Variants in PTPN18 observed in about 807,000 individuals in gnomAD.
PTPN18 encodes the protein tyrosine-protein phosphatase non-receptor type 18.
PTPN18 carries 65 observed loss-of-function variants against 65.4 expected under a neutral mutation model. That is an observed-to-expected ratio of 0.99 (90% CI 0.81 to 1.22). PTPN18 has a LOEUF of 1.22. Among genes scored for constraint, PTPN18 ranks in the 50% most tolerant of loss-of-function variants. The pLI, the probability that PTPN18 is intolerant of heterozygous loss-of-function variation, is 0.00. For missense variants in PTPN18, 616 were observed against 646.5 expected, an observed-to-expected ratio of 0.95 and a Z score of 0.51; for synonymous variants, 255 against 267.8, an observed-to-expected ratio of 0.95 and a Z score of 0.47.
At chr2:130,358,629 G>A (rs771347371) in intron 1 of PTPN18, among the ~76,000 whole-genome samples, 19 of 152,126 alleles carry the variant, frequency 1.2e-4, no homozygotes, top group African/African-American at 3.6e-4. Flanking sequence ...TAGTACCCAC[G>A]TCGTAGGAAC....
intron 5 of PTPN18, among the ~76,000 whole-genome samples, chr2:130,365,596 A>G (rs1680355237): frequency 1.3e-5 from 2 of 152,134 alleles, no homozygotes; most frequent in East Asian, 1.9e-4. Flanking sequence ...TTTAATTCCA[A>G]TCTATTGTGT....
chr2:130,367,050 ATTTT>A (rs57039741), intron 5 of PTPN18, among the ~76,000 whole-genome samples: 5 of 104,208 alleles, frequency 4.8e-5, no homozygotes, highest in African/African-American at 7.2e-5. Context: ...GCTAATTTTA[ATTTT>A]TTTTTTTTTT....
In PTPN18 at chr2:130,373,286, G is replaced by C. The variant is rs1281053641; in HGVS notation, c.*62G>C. ...CTCGGACTGCTGATGCCCCGGTGCT[G>C]CTGAGCGCCGTGCGCAGAATGGAAA... On this transcript the variant is annotated 3_prime_UTR_variant, in exon 15 of 15. Transcript: ENST00000175756. This position sits in a 1 kb window ranked among gnomAD's most constrained non-coding sequence, Gnocchi z 4.1. 2 of 1,427,012 alleles carry C rather than the reference G, an allele frequency of 1.4e-6. No individual in the cohort carries two copies. Among genetic ancestry groups the C allele is most frequent in the African/African-American group, 2.9e-5 (2 of 69,492 alleles). The allele number at this position is 1,427,012 out of a possible 1,614,324, so 88.4% of individuals were successfully genotyped here.
Position 130,374,335 on chromosome 2 carries a change from A to ATTTT in PTPN18, c.*1122_*1125dup. The ATTTT allele has an allele frequency of 4.8e-6, 1 of 210,132 alleles. No homozygotes were observed. The highest frequency in any genetic ancestry group is 9.8e-6 in the Non-Finnish European group (1 of 102,226). 13.0% of individuals were successfully genotyped at this position (210,132 alleles called of 1,614,324 possible). On this transcript the variant is annotated 3_prime_UTR_variant, in exon 15 of 15. Coordinates refer to ENST00000175756, the MANE Select transcript of PTPN18 (RefSeq NM_014369.4). The stretch of plus-strand genomic sequence containing the variant: ...CCGAGTAGCTGGGACTACAGGTCTA[A>ATTTT]TTTTTTTTTTTTTTAAGAAATGAGT...
At position 130,374,884 on chromosome 2, in the gene PTPN18, ACC is replaced by A; in HGVS notation, c.*1663_*1664del. 3.2e-6 allele frequency: 1 copy of A among 310,456 alleles called. No individual in the cohort carries two copies. Among genetic ancestry groups the A allele is most frequent in the South Asian group, 2.7e-5 (1 of 37,380 alleles). 19.2% of individuals were successfully genotyped at this position (310,456 alleles called of 1,614,324 possible). On this transcript the variant is annotated 3_prime_UTR_variant, in exon 15 of 15. Transcript: ENST00000175756. Reference sequence around the variant, plus strand: ...CAAGGAATGATGGGGATGTGTACATACCCCACCCCACCCCTTGGCAGGGTGAT... The same window carrying A: ...CAAGGAATGATGGGGATGTGTACATACCACCCCACCCCTTGGCAGGGTGAT...
chr2:130,369,074 T>A, intron 5 of PTPN18, 59 bp from the exon 6 acceptor site: 1 of 1,455,072 alleles, frequency 6.9e-7, no homozygotes, highest in Admixed American at 1.8e-5. Flanking sequence ...ATGATTGAGC[T>A]AGCTCTGAAG....
In PTPN18 at chr2:130,358,891, T is replaced by G. The variant is rs776321055; in HGVS notation, c.118T>G (p.Trp40Gly). ...FSDIQACSAA[W>G]KADGVCSTVA... ...GGACATCCAGGCCTGCTCGGCCGCC[T>G]GGAAGGCTGACGGCGTGTGCTCCAC... The change falls in exon 2 of 15, where the codon TGG becomes GGG. Residue 40 changes from tryptophan to glycine, a missense_variant. By Grantham distance (184) the Trp-to-Gly change is radical. Coordinates refer to ENST00000175756, the MANE Select transcript of PTPN18 (RefSeq NM_014369.4). 4.3e-6 allele frequency: 7 copies of G among 1,613,576 alleles called. No individual in the cohort carries two copies. In the Admixed American group the frequency reaches 1.2e-4, roughly 27 times the overall value.
intron 1 of PTPN18, among the ~76,000 whole-genome samples, chr2:130,357,158 TG>T (rs1680001241): frequency 6.6e-6 from 1 of 152,132 alleles, no homozygotes; most frequent in Admixed American, 6.5e-5. Flanking sequence ...ACTGCACAGC[TG>T]AGATGGTGCC....
rs1202965681 is a variant in PTPN18 at position 130,373,302 on chromosome 2, A to G, written c.*78A>G. ...CCCGGTGCTGCTGAGCGCCGTGCGC[A>G]GAATGGAAACAGTGGGCCTGGATCA... On this transcript the variant is annotated 3_prime_UTR_variant, in exon 15 of 15. Coordinates refer to ENST00000175756, the MANE Select transcript of PTPN18 (RefSeq NM_014369.4). The surrounding 1 kb of genome is among the most constrained non-coding windows in gnomAD (Gnocchi z 4.1). 1.5e-6 allele frequency: 2 copies of G among 1,362,790 alleles called. No homozygotes were observed. Among genetic ancestry groups the G allele is most frequent in the East Asian group, 2.5e-5 (1 of 39,776 alleles). 84.4% of individuals were successfully genotyped at this position (1,362,790 alleles called of 1,614,324 possible). A position where few individuals can be genotyped will look rare whatever the true frequency, so the allele number is the denominator to read the frequency against.
intron 5 of PTPN18, among the ~76,000 whole-genome samples, chr2:130,364,033 A>G (rs1680309944): frequency 6.6e-6 from 1 of 152,034 alleles, no homozygotes; most frequent in Non-Finnish European, 1.5e-5. Context: ...TAAAATATAC[A>G]TAACATAAAA....
In PTPN18 at chr2:130,370,697, T is replaced by C; in HGVS notation, c.757-8T>C. On this transcript the variant is annotated splice_polypyrimidine_tract_variant and splice_region_variant and intron_variant, in intron 9 of 14. Transcript: ENST00000175756. ...GTCCTGCTCAAGTGCCTTGTCTGTC[T>C]GCCCCAGATGATCCCACCTGACTTC... 1 of 1,614,166 alleles carries C rather than the reference T, an allele frequency of 6.2e-7. No individual in the cohort carries two copies. Among genetic ancestry groups the C allele is most frequent in the Non-Finnish European group, 8.5e-7 (1 of 1,179,986 alleles).
chr2:130,370,771 G>T lies in PTPN18; in HGVS notation c.823G>T (p.Val275Leu). ...GATGAGGAAGCAGCGGCCTGCGGCC[G>T]TGCAGACAGAGGTGAACCCTGGGTC... The part of the protein sequence containing the change: ...LKMRKQRPAA[V>L]QTEEQYRFLY... Residue 275 changes from valine (V) to leucine (L), a missense_variant, in exon 10 of 15, where the codon GTG (valine) becomes TTG (leucine). Physicochemically the swap from Val to Leu is conservative, Grantham distance 32. Transcript: ENST00000175756. 6.2e-7 allele frequency: 1 copy of T among 1,614,068 alleles called. No individual in the cohort carries two copies. Among genetic ancestry groups the T allele is most frequent in the Non-Finnish European group, 8.5e-7 (1 of 1,179,930 alleles).
chr2:130,372,680 G>A (rs1680614266), intron 13 of PTPN18, 193 bp from the exon 14 acceptor site: 2 of 967,576 alleles, frequency 2.1e-6, no homozygotes, highest in Non-Finnish European at 3.0e-6. Context: ...GCGGTCCAGG[G>A]GCAGGGTTCC....
intron 5 of PTPN18, chr2:130,362,062 G>T: frequency 2.2e-6 from 1 of 458,110 alleles, no homozygotes. Context: ...CAAAATCCTG[G>T]GCTCAAATGA....
intron 1 of PTPN18, among the ~76,000 whole-genome samples, chr2:130,357,930 A>G (rs951862558): frequency 1.3e-5 from 2 of 152,190 alleles, no homozygotes; most frequent in African/African-American, 4.8e-5. Flanking sequence ...CATTGTATAT[A>G]AGAAACTAAG....
At chr2:130,371,155 G>A in intron 11 of PTPN18, 44 bp from the exon 12 acceptor site, 1 of 1,522,998 alleles carries the variant, frequency 6.6e-7, no homozygotes, top group Non-Finnish European at 9.0e-7. Context: ...GAGAGGCCTG[G>A]CCAGCTTCCT....
At chr2:130,372,587 A>T in intron 13 of PTPN18, 104 bp downstream of exon 13, 2 of 1,316,478 alleles carry the variant, frequency 1.5e-6, no homozygotes, top group Non-Finnish European at 1.0e-6. Flanking sequence ...CGGGGACCCC[A>T]GCCGCTAGCC....
Position 130,370,082 on chromosome 2 carries a change from C to T in PTPN18, c.581C>T (p.Ser194Phe). The change falls in exon 8 of 15, where the codon TCC (serine) becomes TTC (phenylalanine). Residue 194 changes from serine to phenylalanine, a missense_variant. By Grantham distance (155) the Ser-to-Phe change is radical. This residue lies in a region of PTPN18 where 25 missense variants were observed against 49.8 expected (regional missense o/e 0.50). Coordinates refer to ENST00000175756, the MANE Select transcript of PTPN18 (RefSeq NM_014369.4). ...SRSVYQLQYM[S>F]WPDRGVPSSP... Reference sequence around the variant, plus strand: ...TCTGTGTACCAGCTACAGTATATGTCCTGGCCAGACCGTGGGGTCCCCAGC... The same window carrying T: ...TCTGTGTACCAGCTACAGTATATGTTCTGGCCAGACCGTGGGGTCCCCAGC... The T allele has an allele frequency of 6.2e-7, 1 of 1,614,114 alleles. No individual in the cohort carries two copies. The highest frequency in any genetic ancestry group is 1.1e-5 in the South Asian group (1 of 91,076).
chr2:130,372,361 G>A lies in PTPN18; in HGVS notation c.1118G>A (p.Gly373Glu), dbSNP rs1573867866. 1 of 846,158 alleles carries A rather than the reference G, an allele frequency of 1.2e-6. No individual in the cohort carries two copies. Among genetic ancestry groups the A allele is most frequent in the Non-Finnish European group, 1.5e-6 (1 of 684,158 alleles). The allele number at this position is 846,158 out of a possible 1,614,324, so 52.4% of individuals were successfully genotyped here. A position where few individuals can be genotyped will look rare whatever the true frequency, so the allele number is the denominator to read the frequency against. ...GGCGCCGGGAGTGGGACGCAGACGG[G>A]GACGGGGACGGGGACGGGGGCGCGC... ...PAGAGSGTQT[G>E]TGTGTGARSA... The change falls in exon 13 of 15, where the codon GGG becomes GAG. Residue 373 changes from glycine (G) to glutamate (E), a missense_variant. Physicochemically the swap from Gly to Glu is moderately conservative, Grantham distance 98. Around this residue, in one of 3 missense-constraint regions of PTPN18, gnomAD observed 368 missense variants for 386.7 expected, o/e 0.95. Transcript: ENST00000175756.
Sources: allele counts gnomAD v4.1 joint callset (sites outside exome capture counted in the v4.1 genomes callset), GRCh38; gene constraint gnomAD v4.1.1; regional missense constraint gnomAD v4.1.1; non-coding constraint Gnocchi (gnomAD v3.1); transcripts MANE v1.5; gene names NCBI Gene and HGNC (gene_info 2026-07-23, HGNC 2026-07-21).